Variants in ITGBL1 observed in about 807,000 individuals in gnomAD.
ITGBL1 encodes integrin beta-like protein 1.
A neutral mutation model predicts 68.5 loss-of-function variants in ITGBL1; 51 were observed. That is an observed-to-expected ratio of 0.74 (90% CI 0.59 to 0.94). The LOEUF is 0.94. Ranked by LOEUF, ITGBL1 falls within the 40% of genes least tolerant of loss-of-function variation. The pLI is 0.00. For synonymous variants in ITGBL1, 209 were observed against 227.3 expected, an observed-to-expected ratio of 0.92 and a Z score of 0.72; for missense variants, 649 against 647.4, an observed-to-expected ratio of 1.00 and a Z score of -0.03.
At chr13:101,530,430 T>C (rs1439822553) in intron 2 of ITGBL1, among the ~76,000 whole-genome samples, 1 of 152,142 alleles carries the variant, frequency 6.6e-6, no homozygotes, top group African/African-American at 2.4e-5. Flanking sequence ...TTGGGTGCCA[T>C]GTATCAGGGT....
At chr13:101,683,544 A>G (rs1162515267) in intron 7 of ITGBL1, among the ~76,000 whole-genome samples, 6 of 151,998 alleles carry the variant, frequency 3.9e-5, no homozygotes, top group Admixed American at 1.3e-4. Context: ...ATTCTGGAAC[A>G]TTTCCTGGTT....
intron 2 of ITGBL1, among the ~76,000 whole-genome samples, chr13:101,541,223 G>A (rs4411373): frequency 0.77 from 114,811 of 149,264 alleles, 44,152 homozygotes; most frequent in South Asian, 0.81. Flanking sequence ...TTTGAGATAC[G>A]TCCCATCAAT....
At chr13:101,651,258 C>T (rs767064652) in intron 7 of ITGBL1, among the ~76,000 whole-genome samples, 4 of 152,168 alleles carry the variant, frequency 2.6e-5, no homozygotes, top group Non-Finnish European at 5.9e-5. Flanking sequence ...ATTTACACTC[C>T]CACCAACAGC....
At chr13:101,559,625 A>G (rs181373288) in intron 2 of ITGBL1, among the ~76,000 whole-genome samples, 2 of 152,300 alleles carry the variant, frequency 1.3e-5, no homozygotes, top group African/African-American at 4.8e-5. Flanking sequence ...AGTCCTTTCA[A>G]GTCCATTGCT....
chr13:101,514,236 TG>T (rs2049160986), intron 2 of ITGBL1, among the ~76,000 whole-genome samples: 1 of 152,106 alleles, frequency 6.6e-6, no homozygotes, highest in Non-Finnish European at 1.5e-5. Context: ...AGATATAATT[TG>T]GTTGCTTGAT....
chr13:101,669,735 A>G (rs2033312689), intron 7 of ITGBL1, among the ~76,000 whole-genome samples: 1 of 152,026 alleles, frequency 6.6e-6, no homozygotes. Flanking sequence ...TACAGTTTTC[A>G]TTTATTTTTT....
intron 7 of ITGBL1, among the ~76,000 whole-genome samples, chr13:101,599,971 A>G (rs1373938683): frequency 6.6e-6 from 1 of 152,208 alleles, no homozygotes; most frequent in Admixed American, 6.5e-5. Flanking sequence ...CAATTCTGTG[A>G]AGAAAGTCAT....
intron 6 of ITGBL1, 24 bp from the exon 7 acceptor site, chr13:101,598,128 AT>A (rs776505829): frequency 9.6e-6 from 15 of 1,569,174 alleles, no homozygotes; most frequent in Non-Finnish European, 1.3e-5. Flanking sequence ...GTACATTTTT[AT>A]TTTTTGCCAC....
intron 8 of ITGBL1, among the ~76,000 whole-genome samples, chr13:101,696,928 A>G (rs989150662): frequency 6.6e-6 from 1 of 152,154 alleles, no homozygotes; most frequent in African/African-American, 2.4e-5. Flanking sequence ...AACAACTAGT[A>G]TTTAGATGTG....
At chr13:101,535,573 G>A (rs1246364792) in intron 2 of ITGBL1, among the ~76,000 whole-genome samples, 1 of 152,112 alleles carries the variant, frequency 6.6e-6, no homozygotes, top group Non-Finnish European at 1.5e-5. Flanking sequence ...TTGTCCTTGT[G>A]AAAACTTTAT....
intron 9 of ITGBL1, among the ~76,000 whole-genome samples, chr13:101,707,874 G>A (rs1452541083): frequency 4.0e-5 from 6 of 149,670 alleles, no homozygotes; most frequent in Non-Finnish European, 5.9e-5. Context: ...AAAAAAAAAG[G>A]TAATAATTAA....
At chr13:101,622,805 AC>A (rs1254922882) in intron 7 of ITGBL1, among the ~76,000 whole-genome samples, 1 of 152,072 alleles carries the variant, frequency 6.6e-6, no homozygotes, top group Non-Finnish European at 1.5e-5. Flanking sequence ...TTAATTTAAT[AC>A]GAGGCCTCTA....
At chr13:101,501,317 G>A (rs892072384) in intron 2 of ITGBL1, among the ~76,000 whole-genome samples, 4 of 152,164 alleles carry the variant, frequency 2.6e-5, no homozygotes, top group Non-Finnish European at 5.9e-5. Flanking sequence ...AGTAATGGTT[G>A]ACCATAGTAT....
intron 8 of ITGBL1, among the ~76,000 whole-genome samples, chr13:101,703,037 T>C (rs2139578518): frequency 6.6e-6 from 1 of 152,288 alleles, no homozygotes; most frequent in South Asian, 2.1e-4. Context: ...CCACTGTGTC[T>C]CAGGCATTGT....
chr13:101,490,093 C>T, intron 2 of ITGBL1: 3 of 804,764 alleles, frequency 3.7e-6, no homozygotes, highest in East Asian at 2.7e-5. Context: ...TTCTAACCCC[C>T]AGTGTGATGG....
intron 7 of ITGBL1, among the ~76,000 whole-genome samples, chr13:101,657,504 A>G (rs538346226): frequency 1.1e-4 from 16 of 152,264 alleles, no homozygotes; most frequent in African/African-American, 3.9e-4. Flanking sequence ...TCTGCATTTT[A>G]TATGGGTCCC....
intron 2 of ITGBL1, among the ~76,000 whole-genome samples, chr13:101,461,316 C>T (rs1451402220): frequency 6.6e-6 from 1 of 152,140 alleles, no homozygotes; most frequent in Non-Finnish European, 1.5e-5. Flanking sequence ...AAAAGCTGCT[C>T]AGCTCTCTGA....
chr13:101,485,971 A>G (rs200504175), intron 2 of ITGBL1, among the ~76,000 whole-genome samples: 163 of 152,348 alleles, frequency 1.1e-3, no homozygotes, highest in Admixed American at 3.0e-3. Flanking sequence ...TAGAACTACC[A>G]TCAATCCAGC....
intron 2 of ITGBL1, among the ~76,000 whole-genome samples, chr13:101,555,416 G>A (rs1566730028): frequency 6.6e-6 from 1 of 151,754 alleles, no homozygotes; most frequent in Non-Finnish European, 1.5e-5. Context: ...CTCCCTCAAC[G>A]AGGGCCCTAT....
Sources: allele counts gnomAD v4.1 joint callset (sites outside exome capture counted in the v4.1 genomes callset), GRCh38; gene constraint gnomAD v4.1.1; transcripts MANE v1.5; gene names NCBI Gene and HGNC (gene_info 2026-07-23, HGNC 2026-07-21).